The following XYLT1 variants were observed in gnomAD, a reference collection of about 807,000 sequenced individuals.
The protein encoded by XYLT1 is beta-D-xylosyltransferase 1.
A neutral mutation model predicts 91.3 loss-of-function variants in XYLT1; 36 were observed. That is an observed-to-expected ratio of 0.39 (90% CI 0.30 to 0.52). XYLT1 has a LOEUF of 0.52. XYLT1 is among the 20% of genes least tolerant of loss of function. The probability of loss-of-function intolerance (pLI) is 0.68; values close to 1 mark genes in which losing one functional copy is unlikely to be tolerated. For missense variants in XYLT1, 1,242 were observed against 1,284.5 expected, an observed-to-expected ratio of 0.97 and a Z score of 0.51; for synonymous variants, 588 against 532.0, an observed-to-expected ratio of 1.11 and a Z score of -1.45.
At chr16:17,185,591 T>C (rs981038196) in intron 5 of XYLT1, among the ~76,000 whole-genome samples, 6 of 152,254 alleles carry the variant, frequency 3.9e-5, no homozygotes, top group Non-Finnish European at 1.5e-5. Context: ...CAACACAGCA[T>C]GTAGCTTCTA....
At chr16:17,245,211 C>T (rs1464908886) in intron 3 of XYLT1, among the ~76,000 whole-genome samples, 3 of 152,172 alleles carry the variant, frequency 2.0e-5, no homozygotes, top group Non-Finnish European at 4.4e-5. Flanking sequence ...TAGATTTTAA[C>T]AAGCATCCTT....
chr16:17,263,744 T>C (rs1038198430), intron 2 of XYLT1, among the ~76,000 whole-genome samples: 1 of 152,074 alleles, frequency 6.6e-6, no homozygotes, highest in African/African-American at 2.4e-5. Flanking sequence ...GTTTCACTCT[T>C]GTCACCTAGG....
intron 2 of XYLT1, among the ~76,000 whole-genome samples, chr16:17,316,288 G>A (rs2034631010): frequency 6.6e-6 from 1 of 152,222 alleles, no homozygotes; most frequent in South Asian, 2.1e-4. Flanking sequence ...TATTTACAGA[G>A]TTTCGCCCAA....
At chr16:17,439,671 A>G (rs905278388) in intron 1 of XYLT1, among the ~76,000 whole-genome samples, 5 of 152,230 alleles carry the variant, frequency 3.3e-5, no homozygotes, top group Admixed American at 3.3e-4. Flanking sequence ...TAGGTTCTGA[A>G]TGTCTGCTTT....
chr16:17,271,673 T>C (rs993624778), intron 2 of XYLT1, among the ~76,000 whole-genome samples: 24 of 152,224 alleles, frequency 1.6e-4, no homozygotes, highest in African/African-American at 5.5e-4. Flanking sequence ...CCCAGTCATG[T>C]GCCCTTGTTA....
chr16:17,269,310 G>A (rs539556977), intron 2 of XYLT1, among the ~76,000 whole-genome samples: 3 of 152,008 alleles, frequency 2.0e-5, no homozygotes, highest in Non-Finnish European at 4.4e-5. Context: ...TCAGCCTCCT[G>A]AGTAGCTGGG....
At chr16:17,295,248 G>A (rs1164537203) in intron 2 of XYLT1, among the ~76,000 whole-genome samples, 3 of 152,194 alleles carry the variant, frequency 2.0e-5, no homozygotes, top group African/African-American at 7.2e-5. Flanking sequence ...AAAGAAGCCA[G>A]GGTGGAGGAA....
chr16:17,152,080 G>A lies in XYLT1; in HGVS notation c.1370+6749C>T, dbSNP rs553877761. Among the ~76,000 whole-genome samples, 8 of 152,094 alleles carry A rather than the reference G, an allele frequency of 5.3e-5. No homozygotes were observed. The South Asian group carries it at 1.5e-3, about 28-fold the overall frequency. ...AAACATTGTTTACTGCCTTTTTTCT[G>A]ATTATAAAAGGAATGCATAGCCTTG... On this transcript the variant is annotated intron_variant, in intron 6 of 11. Transcript: ENST00000261381.
At position 17,368,325 on chromosome 16, in the gene XYLT1, C is replaced by T. The variant is rs564329014; in HGVS notation, c.364-10275G>A. Among the ~76,000 whole-genome samples, 68 of 152,272 alleles carry T rather than the reference C, an allele frequency of 4.5e-4. 2 individuals are homozygous for T. The South Asian group carries it at 0.013, about 29-fold the overall frequency. ...GAGTCAGGATGGAGTCAGAAAGCTT[C>T]AGCAGGGGAGGGACTCTGCCTGCAG... is the stretch of plus-strand genomic sequence containing the variant. On this transcript the variant is annotated intron_variant, in intron 1 of 11. Transcript: ENST00000261381.
chr16:17,121,585 T>G (rs1196225834), intron 10 of XYLT1, among the ~76,000 whole-genome samples: 2 of 152,256 alleles, frequency 1.3e-5, no homozygotes, highest in Non-Finnish European at 2.9e-5. Flanking sequence ...AATGTGTATG[T>G]ATATGTATAT....
chr16:17,213,954 A>G (rs751270639), intron 3 of XYLT1, among the ~76,000 whole-genome samples: 2 of 152,280 alleles, frequency 1.3e-5, no homozygotes, highest in East Asian at 1.9e-4. Flanking sequence ...GCACAGATCA[A>G]TATTTCACAG....
chr16:17,337,750 C>CT (rs1356086154), intron 2 of XYLT1, among the ~76,000 whole-genome samples: 1 of 149,810 alleles, frequency 6.7e-6, no homozygotes, highest in Non-Finnish European at 1.5e-5. Context: ...TTCCTGAGTC[C>CT]TACTTTGTCT....
intron 10 of XYLT1, among the ~76,000 whole-genome samples, chr16:17,118,961 C>G (rs2029953059): frequency 6.6e-6 from 1 of 152,168 alleles, no homozygotes; most frequent in Admixed American, 6.5e-5. Context: ...GAGTCTTTAT[C>G]TGACCACCCC....
chr16:17,248,745 A>ATTTT (rs1045404682), intron 3 of XYLT1, among the ~76,000 whole-genome samples: 6 of 127,026 alleles, frequency 4.7e-5, no homozygotes, highest in African/African-American at 1.5e-4. Context: ...TTACATGTGA[A>ATTTT]TTTTTTTTTT....
chr16:17,146,644 T>C (rs1258932423), intron 6 of XYLT1, among the ~76,000 whole-genome samples: 1 of 152,186 alleles, frequency 6.6e-6, no homozygotes, highest in African/African-American at 2.4e-5. Flanking sequence ...AAAACATCTC[T>C]CTAGGATGAA....
chr16:17,461,390 C>G (rs570213530), intron 1 of XYLT1, among the ~76,000 whole-genome samples: 1 of 152,338 alleles, frequency 6.6e-6, no homozygotes, highest in East Asian at 1.9e-4. Flanking sequence ...CACTTATCAG[C>G]ACGGGCTCTA....
At chr16:17,263,294 A>G (rs1256405780) in intron 2 of XYLT1, among the ~76,000 whole-genome samples, 4 of 152,102 alleles carry the variant, frequency 2.6e-5, no homozygotes, top group South Asian at 2.1e-4. Context: ...CCCACGGCCA[A>G]TGAAGCTAAT....
At chr16:17,460,721 A>G (rs928914232) in intron 1 of XYLT1, among the ~76,000 whole-genome samples, 26 of 152,184 alleles carry the variant, frequency 1.7e-4, no homozygotes, top group African/African-American at 5.8e-4. Context: ...TGGACCCTGT[A>G]TTGCCGGATC....
intron 2 of XYLT1, among the ~76,000 whole-genome samples, chr16:17,294,078 G>A (rs2034273430): frequency 6.6e-6 from 1 of 152,162 alleles, no homozygotes; most frequent in African/African-American, 2.4e-5. Flanking sequence ...CATTAGGAAT[G>A]CCCTGGGCGA....
Sources: gnomAD v4.1 joint callset for allele counts (sites outside exome capture counted in the v4.1 genomes callset) on GRCh38, gnomAD v4.1.1 for gene constraint, MANE v1.5 for transcripts, NCBI Gene and HGNC (gene_info 2026-07-23, HGNC 2026-07-21) for gene names.